ERCC8: variants seen among roughly 807,000 people sequenced by gnomAD.
ERCC8 encodes the protein DNA excision repair protein ERCC-8.
A neutral mutation model predicts 54.9 loss-of-function variants in ERCC8; 52 were observed. The ratio of observed to expected loss-of-function variants is 0.95; its 90% CI spans 0.76 to 1.19. ERCC8 has a LOEUF of 1.19. Ranked by LOEUF, ERCC8 falls within the 50% of genes most tolerant of loss-of-function variation. The probability of loss-of-function intolerance (pLI) is 0.00; values close to 1 mark genes in which losing one functional copy is unlikely to be tolerated. For missense variants in ERCC8, 514 were observed against 466.1 expected, an observed-to-expected ratio of 1.10 and a Z score of -0.95; for synonymous variants, 146 against 157.2, an observed-to-expected ratio of 0.93 and a Z score of 0.53.
chr5:60,903,411 A>C (rs2112492403), intron 6 of ERCC8: 1 of 557,026 alleles, frequency 1.8e-6, no homozygotes, highest in East Asian at 3.9e-5. Flanking sequence ...TTTGAGTTAG[A>C]ACTATTTTTC....
At chr5:60,907,452 A>G (rs1391663761) in intron 4 of ERCC8, 1 of 150,370 alleles carries the variant, frequency 6.7e-6, no homozygotes, top group Non-Finnish European at 1.5e-5. Flanking sequence ...TCCCGGGTTC[A>G]AGCGATTCTC....
chr5:60,874,995 A>G (rs986472500), intron 11 of ERCC8, among the ~76,000 whole-genome samples: 3 of 152,224 alleles, frequency 2.0e-5, no homozygotes, highest in African/African-American at 7.2e-5. Context: ...GGTATTTCTC[A>G]ACAACTCTTT....
intron 4 of ERCC8, among the ~76,000 whole-genome samples, chr5:60,912,799 G>A (rs543419274): frequency 6.6e-6 from 1 of 152,186 alleles, no homozygotes; most frequent in Admixed American, 6.5e-5. Context: ...TTTTTGGCAT[G>A]AAGGGCTGTT....
chr5:60,921,881 C>A (rs555526708), intron 3 of ERCC8, among the ~76,000 whole-genome samples, 173 bp downstream of exon 3: 1 of 151,950 alleles, frequency 6.6e-6, no homozygotes, highest in East Asian at 1.9e-4. Flanking sequence ...AAAAACTATA[C>A]CTGAATGTCA....
Position 60,871,541 on chromosome 5 carries a change from G to A in ERCC8, c.*3074C>T, listed in dbSNP as rs960193310. The stretch of plus-strand genomic sequence containing the variant: ...AGAGGGGTGTTTATAACAACAGCTT[G>A]TTGAACATCCCATTATGTAAAATTA... On this transcript the variant is annotated 3_prime_UTR_variant, in exon 12 of 12. Transcript: ENST00000676185. 6.6e-6 allele frequency among the ~76,000 whole-genome samples: 1 copy of A among 152,120 alleles called. No homozygotes were observed. Among genetic ancestry groups the A allele is most frequent in the Non-Finnish European group, 1.5e-5 (1 of 68,022 alleles).
At position 60,928,803 on chromosome 5, in the gene ERCC8, A is replaced by T. The variant is rs1483525988; in HGVS notation, c.173+61T>A. On this transcript the variant is annotated intron_variant, in intron 2 of 11. Coordinates refer to ENST00000676185, the MANE Select transcript of ERCC8 (RefSeq NM_000082.4). ...AACTTCTACATCATTAATTTGAAAA[A>T]GCAGGTTTTACTGCATTTCACTTAG... 4.5e-6 allele frequency: 4 copies of T among 891,636 alleles called. No homozygotes were observed. In the African/African-American group the frequency reaches 6.6e-5, roughly 15 times the overall value. The allele number at this position is 891,636 out of a possible 1,614,324, so 55.2% of individuals were successfully genotyped here.
In ERCC8 at chr5:60,902,423, CA is replaced by C. The variant is rs755891113; in HGVS notation, c.617+18del. The C allele has an allele frequency of 1.3e-6, 2 of 1,587,374 alleles. No individual in the cohort carries two copies. Among genetic ancestry groups the C allele is most frequent in the Admixed American group, 3.3e-5 (2 of 59,826 alleles). On this transcript the variant is annotated intron_variant, in intron 7 of 11. Transcript: ENST00000676185. ...TATTATTAATTACTAACTTCAAAAG[CA>C]AATAAGTTAAATTTTACCTTGCTGT...
At chr5:60,931,821 C>T (rs577368284) in intron 1 of ERCC8, among the ~76,000 whole-genome samples, 1 of 152,190 alleles carries the variant, frequency 6.6e-6, no homozygotes, top group Admixed American at 6.5e-5. Flanking sequence ...TAAAGGTAAT[C>T]ATCTTTTCCT....
chr5:60,931,131 A>G (rs1749897293), intron 1 of ERCC8, among the ~76,000 whole-genome samples: 1 of 152,062 alleles, frequency 6.6e-6, no homozygotes, highest in Admixed American at 6.5e-5. Flanking sequence ...AAAAAAAAAA[A>G]AGCCTACTAC....
At chr5:60,900,992 A>G (rs1748890155) in intron 7 of ERCC8, among the ~76,000 whole-genome samples, 1 of 151,954 alleles carries the variant, frequency 6.6e-6, no homozygotes, top group Non-Finnish European at 1.5e-5. Context: ...TCAACATCAC[A>G]TTCTGCCAGT....
At chr5:60,881,623 A>G (rs944283792) in intron 11 of ERCC8, among the ~76,000 whole-genome samples, 2 of 152,138 alleles carry the variant, frequency 1.3e-5, no homozygotes, top group African/African-American at 2.4e-5. Flanking sequence ...TGTGCTAGCA[A>G]TGGGCGAGGC....
chr5:60,878,176 T>C (rs541353138), intron 11 of ERCC8, among the ~76,000 whole-genome samples: 83 of 152,348 alleles, frequency 5.4e-4, no homozygotes, highest in Non-Finnish European at 1.0e-3. Flanking sequence ...ATTACGTTTA[T>C]TGATTTGTGT....
chr5:60,924,558 C>T (rs913414612), intron 2 of ERCC8: 5 of 154,474 alleles, frequency 3.2e-5, no homozygotes, highest in Admixed American at 6.6e-5. Context: ...ATAAATCCCC[C>T]CCTCTTATAT....
In ERCC8 at chr5:60,870,222, G is replaced by A. The variant is rs529393141; in HGVS notation, c.*4393C>T. ...TGAATATCAAACACAAACTCTCAAA[G>A]TATAGGACAGAAACAACAAAACAAG... On this transcript the variant is annotated 3_prime_UTR_variant, in exon 12 of 12. Coordinates refer to ENST00000676185, the MANE Select transcript of ERCC8 (RefSeq NM_000082.4). Among the ~76,000 whole-genome samples the A allele has an allele frequency of 2.0e-5, 3 of 152,036 alleles. No homozygotes were observed. The highest frequency in any genetic ancestry group is 4.4e-5 in the Non-Finnish European group (3 of 67,978).
chr5:60,878,016 G>C (rs1045106055), intron 11 of ERCC8, among the ~76,000 whole-genome samples: 3 of 152,132 alleles, frequency 2.0e-5, no homozygotes, highest in Admixed American at 6.5e-5. Context: ...GTTTGTCATA[G>C]ATAGCTCTTG....
At chr5:60,906,548 G>C (rs1749077248) in intron 4 of ERCC8, among the ~76,000 whole-genome samples, 1 of 151,878 alleles carries the variant, frequency 6.6e-6, no homozygotes, top group South Asian at 2.1e-4. Flanking sequence ...GGCCAACATG[G>C]TGAAACTCCG....
At position 60,891,479 on chromosome 5, in the gene ERCC8, A is replaced by G. The variant is rs568230940; in HGVS notation, c.844-393T>C. Among the ~76,000 whole-genome samples the G allele has an allele frequency of 7.2e-5, 11 of 152,272 alleles. 1 individual carries two copies. The South Asian group carries it at 2.3e-3, about 32-fold the overall frequency. On this transcript the variant is annotated intron_variant, in intron 9 of 11. Transcript: ENST00000676185. ...GGGCAAATGGTTTATTAATGCAACC[A>G]TTCTTTTCAAAAGAATAATATTTTT... is the stretch of plus-strand genomic sequence containing the variant.
At chr5:60,902,291 G>A in intron 7 of ERCC8, 151 bp downstream of exon 7, 1 of 638,230 alleles carries the variant, frequency 1.6e-6, no homozygotes, top group Non-Finnish European at 2.7e-6. Context: ...TTCTTTTGGT[G>A]ACATGAATTA....
chr5:60,930,075 A>G (rs1031709510), intron 1 of ERCC8, among the ~76,000 whole-genome samples: 1 of 152,236 alleles, frequency 6.6e-6, no homozygotes, highest in Non-Finnish European at 1.5e-5. Flanking sequence ...TTAGCAGTAT[A>G]AAGTATCTGA....
Sources: gnomAD v4.1 joint callset for allele counts (sites outside exome capture counted in the v4.1 genomes callset) on GRCh38, gnomAD v4.1.1 for gene constraint, MANE v1.5 for transcripts, NCBI Gene and HGNC (gene_info 2026-07-23, HGNC 2026-07-21) for gene names.